The following AP3S1 variants were observed in gnomAD, a reference collection of about 807,000 sequenced individuals.
The protein encoded by AP3S1 is adaptor related protein complex 3 subunit sigma 1.
AP3S1 carries 12 observed loss-of-function variants against 21.3 expected under a neutral mutation model. That is an observed-to-expected ratio of 0.56 (90% CI 0.36 to 0.91). The LOEUF is 0.91. Among genes scored for constraint, AP3S1 ranks in the 40% least tolerant of loss-of-function variants. AP3S1 has a pLI of 0.01. For synonymous variants in AP3S1, 48 were observed against 78.4 expected, an observed-to-expected ratio of 0.61 and a Z score of 2.05; for missense variants, 116 against 225.0, an observed-to-expected ratio of 0.52 and a Z score of 3.10.
intron 5 of AP3S1, chr5:115,908,935 A>C (rs1751877420): frequency 1.0e-6 from 1 of 960,382 alleles, no homozygotes; most frequent in Non-Finnish European, 1.2e-6. Flanking sequence ...GAAACCATTT[A>C]ATATTGTGTT....
intron 1 of AP3S1, among the ~76,000 whole-genome samples, chr5:115,844,947 C>G (rs955074562): frequency 1.3e-4 from 19 of 151,370 alleles, no homozygotes; most frequent in Admixed American, 1.1e-3. Flanking sequence ...ATAGAAAACT[C>G]TCTAACTCTT....
At chr5:115,854,434 AGTTACTATTGTAGGTGCCC>A (rs1363749417) in intron 1 of AP3S1, among the ~76,000 whole-genome samples, 1 of 152,166 alleles carries the variant, frequency 6.6e-6, no homozygotes, top group East Asian at 1.9e-4. Flanking sequence ...GTTCTAATTA[AGTTACTATTGTAGGTGCCC>A]CAGTCTCTTC....
intron 4 of AP3S1, among the ~76,000 whole-genome samples, chr5:115,900,575 T>C (rs1382091695): frequency 1.3e-5 from 2 of 152,234 alleles, no homozygotes; most frequent in Admixed American, 1.3e-4. Flanking sequence ...AACTACAGTC[T>C]AGAGGTGCTC....
At chr5:115,874,579 T>C (rs544797719) in intron 3 of AP3S1, among the ~76,000 whole-genome samples, 4 of 152,176 alleles carry the variant, frequency 2.6e-5, no homozygotes, top group African/African-American at 9.6e-5. Context: ...CAGCTAAACT[T>C]TCTTTAGGTT....
intron 2 of AP3S1, among the ~76,000 whole-genome samples, 162 bp from the exon 3 acceptor site, chr5:115,869,855 C>T (rs1320677425): frequency 6.6e-6 from 1 of 152,190 alleles, no homozygotes; most frequent in African/African-American, 2.4e-5. Context: ...AAACAGCCAC[C>T]TTAATTCACC....
intron 1 of AP3S1, among the ~76,000 whole-genome samples, chr5:115,843,856 G>T (rs1445427617): frequency 3.9e-5 from 6 of 152,204 alleles, no homozygotes; most frequent in African/African-American, 1.4e-4. Context: ...GGGAACAGAA[G>T]TATTGTTTAC....
chr5:115,908,719 C>A (rs920654396), intron 5 of AP3S1, among the ~76,000 whole-genome samples: 1 of 152,072 alleles, frequency 6.6e-6, no homozygotes, highest in African/African-American at 2.4e-5. Flanking sequence ...ATAGTTATTG[C>A]TGTCTAGAGA....
chr5:115,882,164 G>A (rs1749355085), intron 3 of AP3S1, among the ~76,000 whole-genome samples: 2 of 151,828 alleles, frequency 1.3e-5, no homozygotes, highest in African/African-American at 4.8e-5. Context: ...TAGCTCAGAG[G>A]AGTTTGTTAT....
chr5:115,883,575 G>C (rs966155138), intron 3 of AP3S1, among the ~76,000 whole-genome samples: 3 of 152,076 alleles, frequency 2.0e-5, no homozygotes, highest in African/African-American at 7.2e-5. Context: ...CAGGTACCTC[G>C]GTTGGAAATG....
intron 3 of AP3S1, among the ~76,000 whole-genome samples, chr5:115,875,356 A>T (rs981080195): frequency 6.6e-6 from 1 of 152,166 alleles, no homozygotes; most frequent in African/African-American, 2.4e-5. Context: ...CGAGGTAGGT[A>T]CTTCTGACCG....
At chr5:115,852,588 A>G (rs1383346672) in intron 1 of AP3S1, among the ~76,000 whole-genome samples, 2 of 152,118 alleles carry the variant, frequency 1.3e-5, no homozygotes, top group Non-Finnish European at 2.9e-5. Context: ...GTCAAACTAA[A>G]TGAAATTTAG....
At chr5:115,863,994 C>T (rs889026241) in intron 1 of AP3S1, among the ~76,000 whole-genome samples, 10 of 152,014 alleles carry the variant, frequency 6.6e-5, no homozygotes, top group African/African-American at 2.4e-4. Flanking sequence ...ACGAAAGTGC[C>T]TTATTCTGGA....
chr5:115,883,972 CAAAT>C (rs1031936015), intron 3 of AP3S1, among the ~76,000 whole-genome samples: 2 of 152,100 alleles, frequency 1.3e-5, no homozygotes, highest in Non-Finnish European at 2.9e-5. Flanking sequence ...ACATACAAAT[CAAAT>C]TAAGTCGCTT....
chr5:115,881,814 T>C (rs2112874028), intron 3 of AP3S1, among the ~76,000 whole-genome samples: 1 of 152,304 alleles, frequency 6.6e-6, no homozygotes, highest in South Asian at 2.1e-4. Flanking sequence ...GGTTCCATTC[T>C]CCCTGTCACT....
chr5:115,897,918 C>G (rs1750894834), intron 4 of AP3S1, among the ~76,000 whole-genome samples: 1 of 152,152 alleles, frequency 6.6e-6, no homozygotes, highest in South Asian at 2.1e-4. Flanking sequence ...AACCCTCAGA[C>G]TGCTTCTGGG....
At chr5:115,884,979 A>T (rs1749655704) in intron 3 of AP3S1, among the ~76,000 whole-genome samples, 1 of 152,230 alleles carries the variant, frequency 6.6e-6, no homozygotes, top group African/African-American at 2.4e-5. Context: ...GGTTGAAATC[A>T]TAGCCATATA....
chr5:115,859,737 G>A (rs964959283), intron 1 of AP3S1, among the ~76,000 whole-genome samples: 4 of 152,150 alleles, frequency 2.6e-5, no homozygotes, highest in African/African-American at 9.7e-5. Flanking sequence ...GTCATAGTTG[G>A]TATCTCTATT....
At chr5:115,854,075 G>T (rs544265477) in intron 1 of AP3S1, among the ~76,000 whole-genome samples, 1 of 152,260 alleles carries the variant, frequency 6.6e-6, no homozygotes, top group African/African-American at 2.4e-5. Context: ...CATGGTGAAA[G>T]GCATCACATG....
intron 1 of AP3S1, among the ~76,000 whole-genome samples, chr5:115,852,540 G>T (rs1011554714): frequency 1.3e-5 from 2 of 152,022 alleles, no homozygotes; most frequent in African/African-American, 2.4e-5. Flanking sequence ...TATCATGGTT[G>T]TGCAACCATC....
Sources: gnomAD v4.1 joint callset for allele counts (sites outside exome capture counted in the v4.1 genomes callset) on GRCh38, gnomAD v4.1.1 for gene constraint, MANE v1.5 for transcripts, NCBI Gene and HGNC (gene_info 2026-07-23, HGNC 2026-07-21) for gene names.